DNAH14: variants seen among roughly 807,000 people sequenced by gnomAD.
DNAH14 encodes axonemal beta dynein heavy chain 14.
Under a neutral mutation model 520.9 loss-of-function variants are expected in DNAH14, and 478 were observed. The observed-to-expected ratio is 0.92, with a 90% CI of 0.85 to 0.99. DNAH14 has a LOEUF of 0.99. Ranked by LOEUF, DNAH14 falls within the 50% of genes least tolerant of loss-of-function variation. The pLI is 0.00. For missense variants in DNAH14, 4,831 were observed against 5,234.5 expected, an observed-to-expected ratio of 0.92 and a Z score of 2.38; for synonymous variants, 1,581 against 1,757.2, an observed-to-expected ratio of 0.90 and a Z score of 2.51.
At chr1:225,141,158 A>G in intron 28 of DNAH14, 137 bp downstream of exon 28, 1 of 829,826 alleles carries the variant, frequency 1.2e-6, no homozygotes, top group Non-Finnish European at 1.8e-6. Context: ...AGCAAACTGT[A>G]CCAATCTGAG....
At chr1:225,093,429 A>G (rs568139746) in intron 21 of DNAH14, among the ~76,000 whole-genome samples, 9 of 152,320 alleles carry the variant, frequency 5.9e-5, no homozygotes, top group Non-Finnish European at 1.2e-4. Context: ...ATAAAATTCA[A>G]CATTGCTTTA....
intron 17 of DNAH14, among the ~76,000 whole-genome samples, chr1:225,061,291 G>A (rs188285683): frequency 1.8e-3 from 270 of 152,330 alleles, no homozygotes; most frequent in African/African-American, 5.9e-3. Context: ...GCGTGGCTCC[G>A]TGGGCGTAGG....
At chr1:225,114,142 G>A (rs10915778) in intron 23 of DNAH14, among the ~76,000 whole-genome samples, 7,363 of 152,232 alleles carry the variant, frequency 0.048, 511 homozygotes, top group African/African-American at 0.16. Context: ...CCCATGGCAT[G>A]TACTACCTGG....
intron 76 of DNAH14, among the ~76,000 whole-genome samples, chr1:225,366,721 C>T (rs2095557110): frequency 6.6e-6 from 1 of 152,150 alleles, no homozygotes; most frequent in Non-Finnish European, 1.5e-5. Context: ...TCTTCCATCT[C>T]CTGGAGCCAC....
chr1:225,226,558 G>A (rs1466798216), intron 41 of DNAH14, among the ~76,000 whole-genome samples: 1 of 152,200 alleles, frequency 6.6e-6, no homozygotes, highest in Admixed American at 6.5e-5. Flanking sequence ...GTAGCCTCCA[G>A]TTAGGCAATT....
chr1:225,204,687 T>G (rs2087299309), intron 39 of DNAH14, among the ~76,000 whole-genome samples: 1 of 152,224 alleles, frequency 6.6e-6, no homozygotes, highest in Admixed American at 6.5e-5. Flanking sequence ...ACTGCACACC[T>G]GTAATATGCC....
At chr1:225,142,174 T>C (rs1211317975) in intron 28 of DNAH14, among the ~76,000 whole-genome samples, 1 of 152,230 alleles carries the variant, frequency 6.6e-6, no homozygotes, top group African/African-American at 2.4e-5. Flanking sequence ...TTACTTTTTA[T>C]TAACTCTTTT....
intron 5 of DNAH14, 97 bp downstream of exon 5, chr1:224,964,706 C>A: frequency 1.9e-6 from 2 of 1,056,900 alleles, no homozygotes; most frequent in Non-Finnish European, 2.6e-6. Flanking sequence ...CAAAGTCAAA[C>A]ATTACATTAA....
chr1:225,089,465 AG>A (rs141283683), intron 21 of DNAH14, among the ~76,000 whole-genome samples: 2,121 of 138,248 alleles, frequency 0.015, 120 homozygotes, highest in African/African-American at 0.054. Context: ...AAAAAAAAAA[AG>A]AGAGCGAGAG....
intron 7 of DNAH14, among the ~76,000 whole-genome samples, chr1:224,972,905 G>A (rs1296834276): frequency 6.6e-6 from 1 of 152,296 alleles, no homozygotes; most frequent in East Asian, 1.9e-4. Context: ...TAGACCATCA[G>A]CATCATCGTT....
chr1:224,942,412 G>T (rs374232914), intron 1 of DNAH14, among the ~76,000 whole-genome samples: 2 of 152,134 alleles, frequency 1.3e-5, no homozygotes. Flanking sequence ...GGGCTGAGAC[G>T]ATGGGGTTTT....
At chr1:225,077,300 A>G (rs1263005015) in intron 17 of DNAH14, among the ~76,000 whole-genome samples, 1 of 152,108 alleles carries the variant, frequency 6.6e-6, no homozygotes, top group Non-Finnish European at 1.5e-5. Flanking sequence ...CTTACATATT[A>G]TTTTTAAGAT....
At chr1:225,330,822 C>T (rs1359999449) in intron 64 of DNAH14, among the ~76,000 whole-genome samples, 1 of 152,106 alleles carries the variant, frequency 6.6e-6, no homozygotes, top group East Asian at 1.9e-4. Context: ...GTTTGTAACA[C>T]AAAGGATAAA....
intron 1 of DNAH14, among the ~76,000 whole-genome samples, chr1:224,937,478 C>T (rs1050620421): frequency 6.6e-6 from 1 of 151,660 alleles, no homozygotes; most frequent in South Asian, 2.1e-4. Flanking sequence ...TATAAAATAC[C>T]TAGAAATCAA....
chr1:225,340,987 G>C (rs2095166752), intron 69 of DNAH14, among the ~76,000 whole-genome samples: 1 of 152,062 alleles, frequency 6.6e-6, no homozygotes, highest in South Asian at 2.1e-4. Context: ...TCCCTCCAAG[G>C]CTCTATGCCT....
At chr1:225,261,159 G>C (rs2092922552) in intron 46 of DNAH14, among the ~76,000 whole-genome samples, 1 of 152,092 alleles carries the variant, frequency 6.6e-6, no homozygotes, top group South Asian at 2.1e-4. Flanking sequence ...GCTCTGGCTA[G>C]GACTTCCAGT....
chr1:225,104,107 G>C (rs1368508576), intron 23 of DNAH14, among the ~76,000 whole-genome samples: 2 of 152,128 alleles, frequency 1.3e-5, no homozygotes, highest in African/African-American at 4.8e-5. Context: ...AAGCGTTGTT[G>C]AATTTTGTCA....
chr1:225,100,884 G>A lies in DNAH14; in HGVS notation c.3867G>A (p.Glu1289=). ...TTGAACATATAAAGAAAAGCCTTGA[G>A]GTAAAACTATAGCAATTCTAAAGCA... ...IHLEHIKKSL[E]DYLEVKRLIF... Residue 1289 remains glutamate, a splice_region_variant and synonymous_variant, in exon 23 of 86, where the codon GAG becomes GAA. Transcript: ENST00000682510. The A allele has an allele frequency of 6.7e-7, 1 of 1,492,504 alleles. No homozygotes were observed. 92.5% of individuals were successfully genotyped at this position (1,492,504 alleles called of 1,614,324 possible). A position where few individuals can be genotyped will look rare whatever the true frequency, so the allele number is the denominator to read the frequency against.
At chr1:225,199,453 T>C (rs1232548772) in intron 38 of DNAH14, among the ~76,000 whole-genome samples, 1 of 152,126 alleles carries the variant, frequency 6.6e-6, no homozygotes, top group Non-Finnish European at 1.5e-5. Context: ...GCTCTTTCAG[T>C]CTTTTTGATA....
Sources: gnomAD v4.1 joint callset for allele counts (sites outside exome capture counted in the v4.1 genomes callset) on GRCh38, gnomAD v4.1.1 for gene constraint, MANE v1.5 for transcripts, NCBI Gene and HGNC (gene_info 2026-07-23, HGNC 2026-07-21) for gene names.